Variants in SLMAP observed in about 807,000 individuals in gnomAD.
SLMAP encodes sarcolemma associated protein.
Under a neutral mutation model 128.8 loss-of-function variants are expected in SLMAP, and 44 were observed. The observed-to-expected ratio is 0.34, with a 90% CI of 0.27 to 0.44. The LOEUF is 0.44. Among genes scored for constraint, SLMAP ranks in the 20% least tolerant of loss-of-function variants. The pLI is 1.00. For synonymous variants in SLMAP, 327 were observed against 348.8 expected (o/e 0.94, Z 0.70); for missense variants, 787 against 985.3 (o/e 0.80, Z 2.69).
intron 2 of SLMAP, among the ~76,000 whole-genome samples, chr3:57,820,560 G>A (rs146706433): frequency 2.6e-5 from 4 of 152,220 alleles, no homozygotes; most frequent in Admixed American, 2.0e-4. Context: ...ATCTGTAAAC[G>A]CGAGGGCAAA....
rs556177756 is a variant in SLMAP at position 57,838,797 on chromosome 3, T to A, written c.347-2502T>A. On this transcript the variant is annotated intron_variant, in intron 3 of 24. Transcript: ENST00000671191. ...AGGCATGGGGCTGTGAAAGGTAAAGTGCTTGGAGATCGCAGGTAGCTTGGC... is the reference window on the plus strand; with the variant it reads ...AGGCATGGGGCTGTGAAAGGTAAAGAGCTTGGAGATCGCAGGTAGCTTGGC... Among the ~76,000 whole-genome samples the A allele has an allele frequency of 5.3e-5, 8 of 152,236 alleles. 1 individual carries two copies. In the South Asian group the frequency reaches 1.7e-3, roughly 32 times the overall value.
chr3:57,857,908 CAAACAAAGACA>C (rs2094869767), intron 7 of SLMAP, 80 bp downstream of exon 7: 1 of 1,029,166 alleles, frequency 9.7e-7, no homozygotes. Context: ...TAAAATGTAG[CAAACAAAGACA>C]AAGTTATTTC....
chr3:57,906,386 G>A (rs1215084839), intron 17 of SLMAP, among the ~76,000 whole-genome samples: 4 of 138,822 alleles, frequency 2.9e-5, no homozygotes, highest in African/African-American at 1.1e-4. Flanking sequence ...CGCGATCTTG[G>A]CTCATTGCCA....
In SLMAP at chr3:57,912,704, G is replaced by A; in HGVS notation, c.2020+3G>A. 1 of 1,598,702 alleles carries A rather than the reference G, an allele frequency of 6.3e-7. No homozygotes were observed. Among genetic ancestry groups the A allele is most frequent in the Non-Finnish European group, 8.6e-7 (1 of 1,168,696 alleles). ...AGAAGAAGCAACAAGGTTGCAAGGT[G>A]AATAAATGTATTTTACATAAAGCTG... On this transcript the variant is annotated splice_donor_region_variant and intron_variant, in intron 20 of 24. Transcript: ENST00000671191.
chr3:57,863,226 G>A (rs1256486999), intron 10 of SLMAP, among the ~76,000 whole-genome samples: 2 of 152,052 alleles, frequency 1.3e-5, no homozygotes, highest in Non-Finnish European at 2.9e-5. Flanking sequence ...GGACAGATCA[G>A]ATCATAGGGT....
intron 5 of SLMAP, among the ~76,000 whole-genome samples, chr3:57,848,543 C>G (rs1489223261): frequency 6.8e-6 from 1 of 147,892 alleles, no homozygotes; most frequent in Non-Finnish European, 1.5e-5. Flanking sequence ...TCTTCCTTCC[C>G]TTTTTCCTCC....
At chr3:57,832,729 A>G (rs1184332271) in intron 3 of SLMAP, among the ~76,000 whole-genome samples, 1 of 152,146 alleles carries the variant, frequency 6.6e-6, no homozygotes, top group Non-Finnish European at 1.5e-5. Context: ...ATATTTATGC[A>G]TATACTTTCA....
chr3:57,851,303 A>G (rs943592535), intron 6 of SLMAP, among the ~76,000 whole-genome samples: 1 of 150,138 alleles, frequency 6.7e-6, no homozygotes, highest in South Asian at 2.1e-4. Context: ...TTAATGCCAT[A>G]TTTAAAGAAC....
At chr3:57,881,710 T>TC (rs1222992024) in intron 14 of SLMAP, among the ~76,000 whole-genome samples, 9 of 152,180 alleles carry the variant, frequency 5.9e-5, no homozygotes, top group African/African-American at 2.2e-4. Flanking sequence ...CACCTCGGCC[T>TC]CCCAAAGTGC....
intron 6 of SLMAP, among the ~76,000 whole-genome samples, chr3:57,850,152 G>A (rs2094448995): frequency 1.3e-5 from 2 of 152,028 alleles, no homozygotes; most frequent in African/African-American, 4.8e-5. Flanking sequence ...CTCCATCCTA[G>A]GCAACAGAGC....
Position 57,925,870 on chromosome 3 carries a change from C to T in SLMAP, c.2471C>T (p.Ala824Val). 6.4e-7 allele frequency: 1 copy of T among 1,551,064 alleles called. No individual in the cohort carries two copies. The highest frequency in any genetic ancestry group is 8.7e-7 in the Non-Finnish European group (1 of 1,147,012). ...NNPSILQPVP[A>V]VFIGLFLAFL... The stretch of plus-strand genomic sequence containing the variant: ...CCTTCCATATTACAACCCGTCCCAG[C>T]CGTATTCATCGGCCTATTCCTGGCT... Residue 824 changes from alanine to valine, a missense_variant, in exon 24 of 25, where the codon GCC (alanine) becomes GTC (valine). Ala to Val is a moderately conservative substitution (Grantham distance 64). This residue lies in a region of SLMAP where 715 missense variants were observed against 843.6 expected (regional missense o/e 0.85). Transcript: ENST00000671191.
At chr3:57,860,867 A>G (rs2095020659) in intron 9 of SLMAP, 28 bp downstream of exon 9, 1 of 1,530,510 alleles carries the variant, frequency 6.5e-7, no homozygotes, top group Non-Finnish European at 8.9e-7. Flanking sequence ...AAAATACTAA[A>G]TAGTATTATG....
chr3:57,882,109 G>T (rs918600663), intron 14 of SLMAP, among the ~76,000 whole-genome samples: 1 of 151,930 alleles, frequency 6.6e-6, no homozygotes, highest in Non-Finnish European at 1.5e-5. Flanking sequence ...CCTTTTTTTA[G>T]GATGAGGAAA....
chr3:57,873,161 C>CT (rs1312642222), intron 14 of SLMAP, among the ~76,000 whole-genome samples: 2 of 152,190 alleles, frequency 1.3e-5, no homozygotes, highest in Non-Finnish European at 2.9e-5. Context: ...TTGAGTATTA[C>CT]TTAGAGACAA....
chr3:57,907,123 G>A (rs919132747), intron 17 of SLMAP, among the ~76,000 whole-genome samples: 1 of 152,120 alleles, frequency 6.6e-6, no homozygotes, highest in Non-Finnish European at 1.5e-5. Context: ...TGCCTCTTGT[G>A]TTCAAGCAGT....
chr3:57,776,965 T>C (rs1205105665), intron 2 of SLMAP, among the ~76,000 whole-genome samples: 1 of 152,040 alleles, frequency 6.6e-6, no homozygotes, highest in Admixed American at 6.6e-5. Flanking sequence ...GTAACTGTAA[T>C]AGACTATGCT....
At chr3:57,907,749 G>T in intron 17 of SLMAP, 135 bp from the exon 18 acceptor site, 2 of 653,560 alleles carry the variant, frequency 3.1e-6, no homozygotes, top group Non-Finnish European at 4.8e-6. Context: ...ACTATAATTT[G>T]CTTCTAAGTT....
intron 17 of SLMAP, among the ~76,000 whole-genome samples, chr3:57,907,136 TC>T (rs1576170909): frequency 1.3e-5 from 2 of 152,088 alleles, no homozygotes; most frequent in African/African-American, 4.8e-5. Flanking sequence ...CAAGCAGTTC[TC>T]CTGCCTCAGC....
At chr3:57,781,980 A>C (rs1350585281) in intron 2 of SLMAP, among the ~76,000 whole-genome samples, 2 of 152,074 alleles carry the variant, frequency 1.3e-5, no homozygotes, top group Non-Finnish European at 2.9e-5. Context: ...GTGACTGCCC[A>C]TGTCAGCCTT....
Sources: gnomAD v4.1 joint callset for allele counts (sites outside exome capture counted in the v4.1 genomes callset) on GRCh38, gnomAD v4.1.1 for gene constraint, gnomAD v4.1.1 regional missense constraint, MANE v1.5 for transcripts, NCBI Gene and HGNC (gene_info 2026-07-23, HGNC 2026-07-21) for gene names.